Variants in TNKS2 observed in about 807,000 individuals in gnomAD.
The protein encoded by TNKS2 is tankyrase 2, also known as poly [ADP-ribose] polymerase tankyrase-2.
Under a neutral mutation model 137.6 loss-of-function variants are expected in TNKS2, and 72 were observed. That is an observed-to-expected ratio of 0.52 (90% CI 0.43 to 0.64). The LOEUF (loss-of-function observed/expected upper bound fraction) is 0.64, where lower values mean the gene tolerates loss of function less well. Ranked by LOEUF, TNKS2 falls within the 30% of genes least tolerant of loss-of-function variation. TNKS2 has a pLI of 0.00. For missense variants in TNKS2, 1,049 were observed against 1,410.2 expected, an observed-to-expected ratio of 0.74 and a Z score of 4.10; for synonymous variants, 516 against 512.1, an observed-to-expected ratio of 1.01 and a Z score of -0.10.
At chr10:91,817,619 A>G (rs1308522728) in intron 3 of TNKS2, among the ~76,000 whole-genome samples, 2 of 152,174 alleles carry the variant, frequency 1.3e-5, no homozygotes, top group Non-Finnish European at 2.9e-5. Flanking sequence ...CATTTCAGAT[A>G]AGGGATATTC....
intron 9 of TNKS2, among the ~76,000 whole-genome samples, chr10:91,830,244 G>A (rs551762986): frequency 6.6e-6 from 1 of 152,242 alleles, no homozygotes; most frequent in South Asian, 2.1e-4. Context: ...TTGAGATGGA[G>A]TCTTGCTCTG....
At chr10:91,811,175 G>A (rs1036015560) in intron 1 of TNKS2, among the ~76,000 whole-genome samples, 2 of 150,016 alleles carry the variant, frequency 1.3e-5, no homozygotes, top group Admixed American at 6.6e-5. Context: ...CTGCCCACCT[G>A]GGCCTCCCAA....
At chr10:91,831,901 A>G (rs1157935243) in intron 11 of TNKS2, among the ~76,000 whole-genome samples, 7 of 151,992 alleles carry the variant, frequency 4.6e-5, no homozygotes, top group African/African-American at 1.7e-4. Context: ...AATTCAGTAT[A>G]CTCTATAACA....
chr10:91,859,447 C>G lies in TNKS2; in HGVS notation c.3095-15C>G, dbSNP rs765632904. On this transcript the variant is annotated splice_polypyrimidine_tract_variant and intron_variant, in intron 24 of 26. Transcript: ENST00000371627. ...TAAATTTTAAATTATTGTTACCCAT[C>G]TATATGTGTTTCAGGGTCTCCTTTT... 6.5e-7 allele frequency: 1 copy of G among 1,538,680 alleles called. No individual in the cohort carries two copies. Among genetic ancestry groups the G allele is most frequent in the South Asian group, 1.3e-5 (1 of 76,008 alleles).
intron 21 of TNKS2, among the ~76,000 whole-genome samples, chr10:91,853,268 AT>A (rs1383720053): frequency 6.6e-6 from 1 of 152,224 alleles, no homozygotes; most frequent in African/African-American, 2.4e-5. Context: ...AGGTACTTCC[AT>A]GCCACCTCTG....
chr10:91,838,105 C>T (rs994537440), intron 13 of TNKS2, among the ~76,000 whole-genome samples: 2 of 121,346 alleles, frequency 1.6e-5, no homozygotes, highest in Non-Finnish European at 3.2e-5. Flanking sequence ...TGTAAATGCT[C>T]ATTCTCTTAC....
Position 91,864,775 on chromosome 10 carries a change from A to G in TNKS2, c.*1776A>G, listed in dbSNP as rs538868814. ...GCCAAATTTTATATGAATTTTTCAG[A>G]TTATCTAAGCTTCCAGGTTTTATAA... is the stretch of plus-strand genomic sequence containing the variant. On this transcript the variant is annotated 3_prime_UTR_variant, in exon 27 of 27. Coordinates refer to ENST00000371627, the MANE Select transcript of TNKS2 (RefSeq NM_025235.4). The G allele has an allele frequency of 1.3e-5, 2 of 152,746 alleles. No individual in the cohort carries two copies. Among genetic ancestry groups the G allele is most frequent in the Admixed American group, 1.3e-4 (2 of 15,288 alleles). 9.5% of individuals were successfully genotyped at this position (152,746 alleles called of 1,614,324 possible).
At chr10:91,824,036 T>A (rs1309521069) in intron 7 of TNKS2, among the ~76,000 whole-genome samples, 1 of 152,208 alleles carries the variant, frequency 6.6e-6, no homozygotes, top group Non-Finnish European at 1.5e-5. Flanking sequence ...TCAAACAGAT[T>A]GCACTTGGAC....
Position 91,851,354 on chromosome 10 carries a change from T to C in TNKS2, c.2815+18T>C. On this transcript the variant is annotated intron_variant, in intron 21 of 26. Transcript: ENST00000371627. The stretch of plus-strand genomic sequence containing the variant: ...ACAACAAGGTATTTTATTTTAATAA[T>C]TGCTGTTGTCAGTTTAACAGTTTGC... 6.2e-7 allele frequency: 1 copy of C among 1,607,988 alleles called. No homozygotes were observed. Among genetic ancestry groups the C allele is most frequent in the South Asian group, 1.1e-5 (1 of 89,462 alleles).
chr10:91,809,559 G>T (rs1187592534), intron 1 of TNKS2, among the ~76,000 whole-genome samples: 2 of 151,790 alleles, frequency 1.3e-5, no homozygotes, highest in African/African-American at 4.8e-5. Flanking sequence ...CCAGCTACTC[G>T]GGAGGCTGAG....
chr10:91,832,647 A>G (rs945176187), intron 11 of TNKS2, among the ~76,000 whole-genome samples: 3 of 152,142 alleles, frequency 2.0e-5, no homozygotes, highest in African/African-American at 7.2e-5. Flanking sequence ...TCACATTCAC[A>G]TATTATCCGA....
chr10:91,827,155 A>G lies in TNKS2; in HGVS notation c.934A>G (p.Ser312Gly). The G allele has an allele frequency of 6.3e-7, 1 of 1,598,880 alleles. No homozygotes were observed. The highest frequency in any genetic ancestry group is 8.5e-7 in the Non-Finnish European group (1 of 1,172,358). ...DPTLLNCHNK[S>G]AIDLAPTPQL... is the part of the protein sequence containing the mutation. The stretch of plus-strand genomic sequence containing the variant: ...AACACTGCTCAATTGTCACAATAAA[A>G]GTGCTATAGACTTGGCTCCCACACC... The change falls in exon 8 of 27, where the codon AGT becomes GGT. Residue 312 changes from serine to glycine, a missense_variant. By Grantham distance (56) the Ser-to-Gly change is moderately conservative. Transcript: ENST00000371627.
chr10:91,814,753 A>C (rs1033466151), intron 2 of TNKS2, among the ~76,000 whole-genome samples: 1 of 152,202 alleles, frequency 6.6e-6, no homozygotes, highest in Non-Finnish European at 1.5e-5. Context: ...AGGCTATACC[A>C]TGTAGCCTAG....
chr10:91,814,206 A>G (rs7067554), intron 2 of TNKS2, among the ~76,000 whole-genome samples: 3 of 152,064 alleles, frequency 2.0e-5, no homozygotes, highest in Non-Finnish European at 1.5e-5. Context: ...TCTTGAGCCT[A>G]TGTAGGCCTA....
chr10:91,817,350 G>T, intron 3 of TNKS2, 121 bp downstream of exon 3: 1 of 548,942 alleles, frequency 1.8e-6, no homozygotes, highest in Non-Finnish European at 3.3e-6. Flanking sequence ...CAGTTCAGTA[G>T]CTATCCTTTT....
chr10:91,827,733 G>T (rs1353099776), intron 8 of TNKS2, among the ~76,000 whole-genome samples: 1 of 152,160 alleles, frequency 6.6e-6, no homozygotes, highest in Non-Finnish European at 1.5e-5. Context: ...TATTATCCTG[G>T]AATAATAAAG....
chr10:91,857,376 T>C, intron 23 of TNKS2, 49 bp from the exon 24 acceptor site: 2 of 1,358,680 alleles, frequency 1.5e-6, no homozygotes, highest in Non-Finnish European at 1.0e-6. Flanking sequence ...GATGAAGAAG[T>C]CAGTAAGTAA....
At chr10:91,828,652 T>G (rs2133629360) in intron 9 of TNKS2, among the ~76,000 whole-genome samples, 1 of 152,372 alleles carries the variant, frequency 6.6e-6, no homozygotes, top group African/African-American at 2.4e-5. Flanking sequence ...TGACATGTAT[T>G]ATATGTAATG....
intron 1 of TNKS2, among the ~76,000 whole-genome samples, chr10:91,804,312 T>C (rs1564600691): frequency 6.6e-6 from 1 of 152,332 alleles, no homozygotes; most frequent in Admixed American, 6.5e-5. Context: ...ATACCTGCCA[T>C]TAACTGACAC....
Sources: allele counts gnomAD v4.1 joint callset (sites outside exome capture counted in the v4.1 genomes callset), GRCh38; gene constraint gnomAD v4.1.1; transcripts MANE v1.5; gene names NCBI Gene and HGNC (gene_info 2026-07-23, HGNC 2026-07-21).